PRKN: variants seen among roughly 807,000 people sequenced by gnomAD.
The protein encoded by PRKN is parkin RBR E3 ubiquitin protein ligase, also known as E3 ubiquitin-protein ligase parkin.
In PRKN, 56 loss-of-function variants were observed where a neutral mutation model predicts 59.5. The observed-to-expected ratio is 0.94, with a 90% CI of 0.76 to 1.18. PRKN has a LOEUF of 1.18. PRKN is among the 50% of genes most tolerant of loss of function. The pLI is 0.00. For synonymous variants in PRKN, 250 were observed against 222.1 expected (o/e 1.13, Z -1.12); for missense variants, 657 against 596.4 (o/e 1.10, Z -1.06).
chr6:162,650,177 A>G (rs1778364228), intron 1 of PRKN, among the ~76,000 whole-genome samples: 1 of 152,186 alleles, frequency 6.6e-6, no homozygotes, highest in African/African-American at 2.4e-5. Context: ...AGCAGGTCCA[A>G]CAATCCTTCT....
At chr6:162,503,900 T>C (rs9365454) in intron 1 of PRKN, among the ~76,000 whole-genome samples, 78,636 of 151,854 alleles carry the variant, frequency 0.52, 20,407 homozygotes, top group Middle Eastern at 0.58. Context: ...TTACAAAGTG[T>C]TTCAATGCCG....
intron 7 of PRKN, among the ~76,000 whole-genome samples, chr6:161,574,432 G>A (rs185249628): frequency 6.6e-6 from 1 of 152,204 alleles, no homozygotes; most frequent in Non-Finnish European, 1.5e-5. Context: ...TCACATATGG[G>A]TTCTTCTGCA....
chr6:162,070,010 A>C (rs7767694), intron 4 of PRKN, among the ~76,000 whole-genome samples: 45,822 of 152,102 alleles, frequency 0.3, 7,637 homozygotes, highest in East Asian at 0.62. Flanking sequence ...AGTATAAAAC[A>C]GGTTTGTCTA....
At chr6:162,533,922 G>A (rs552216689) in intron 1 of PRKN, among the ~76,000 whole-genome samples, 128 of 143,028 alleles carry the variant, frequency 8.9e-4, no homozygotes, top group African/African-American at 3.3e-3. Flanking sequence ...AGTGAGCCGA[G>A]ATTGCACCAA....
chr6:161,647,176 C>T lies in PRKN; in HGVS notation c.872-77760G>A, dbSNP rs530488634. Among the ~76,000 whole-genome samples the T allele has an allele frequency of 3.3e-5, 5 of 152,318 alleles. No homozygotes were observed. In the South Asian group the frequency reaches 1.0e-3, roughly 32 times the overall value. Reference sequence around the variant, plus strand: ...GTGTAACCCAGAGTGATTCACCGAACCCTTCCCTGAGACGTACATCCTTAC... The same window carrying T: ...GTGTAACCCAGAGTGATTCACCGAATCCTTCCCTGAGACGTACATCCTTAC... On this transcript the variant is annotated intron_variant, in intron 7 of 11. Coordinates refer to ENST00000366898, the MANE Select transcript of PRKN (RefSeq NM_004562.3).
chr6:162,209,153 C>G (rs576248947), intron 3 of PRKN, among the ~76,000 whole-genome samples: 1 of 152,102 alleles, frequency 6.6e-6, no homozygotes, highest in Non-Finnish European at 1.5e-5. Context: ...TCAGAGTGAA[C>G]AGACAACCTA....
In PRKN at chr6:162,036,164, T is replaced by A. The variant is rs556872163; in HGVS notation, c.618+17927A>T. On this transcript the variant is annotated intron_variant, in intron 5 of 11. Coordinates refer to ENST00000366898, the MANE Select transcript of PRKN (RefSeq NM_004562.3). ...ACAGTGAAACCCCGTCTCTACTAAA[T>A]ATACAAAAAATTAGCCGGGCGTGGT... is the stretch of plus-strand genomic sequence containing the variant. Among the ~76,000 whole-genome samples the A allele has an allele frequency of 1.9e-3, 287 of 150,764 alleles. 2 individuals are homozygous for A. Among genetic ancestry groups the A allele is most frequent in the African/African-American group, 6.8e-3 (280 of 41,126 alleles).
intron 1 of PRKN, among the ~76,000 whole-genome samples, chr6:162,642,599 C>T (rs1016392108): frequency 6.6e-6 from 1 of 151,798 alleles, no homozygotes; most frequent in Non-Finnish European, 1.5e-5. Flanking sequence ...TTTTGGTTAG[C>T]AAACCAATAT....
chr6:161,613,186 A>T (rs532603406), intron 7 of PRKN, among the ~76,000 whole-genome samples: 12 of 152,152 alleles, frequency 7.9e-5, no homozygotes, highest in Non-Finnish European at 1.6e-4. Flanking sequence ...GAGGAAGTCA[A>T]TTTCATCCCT....
intron 7 of PRKN, among the ~76,000 whole-genome samples, chr6:161,608,772 T>G (rs1782381085): frequency 6.6e-6 from 1 of 151,978 alleles, no homozygotes; most frequent in Non-Finnish European, 1.5e-5. Context: ...ATTCCTGACC[T>G]CAAGTGATCC....
intron 6 of PRKN, among the ~76,000 whole-genome samples, chr6:161,792,877 C>T (rs769858455): frequency 4.6e-5 from 7 of 152,060 alleles, no homozygotes; most frequent in Non-Finnish European, 1.0e-4. Flanking sequence ...CACTTTAAGC[C>T]CCTTTTAGTT....
At chr6:162,005,601 A>G (rs1176045931) in intron 5 of PRKN, among the ~76,000 whole-genome samples, 1 of 151,850 alleles carries the variant, frequency 6.6e-6, no homozygotes, top group Non-Finnish European at 1.5e-5. Context: ...TTCTTGCTTG[A>G]GTGTTGACAG....
At chr6:162,372,057 G>A (rs898043170) in intron 2 of PRKN, among the ~76,000 whole-genome samples, 2 of 152,234 alleles carry the variant, frequency 1.3e-5, no homozygotes, top group African/African-American at 4.8e-5. Flanking sequence ...AAGCCCAGGA[G>A]AAAGCTGGAG....
chr6:162,521,070 G>C (rs1401832134), intron 1 of PRKN, among the ~76,000 whole-genome samples: 1 of 152,118 alleles, frequency 6.6e-6, no homozygotes, highest in African/African-American at 2.4e-5. Context: ...ATTTAAGAAA[G>C]GGCCTTAATG....
At chr6:162,031,104 T>C (rs1236304064) in intron 5 of PRKN, among the ~76,000 whole-genome samples, 1 of 152,108 alleles carries the variant, frequency 6.6e-6, no homozygotes, top group Non-Finnish European at 1.5e-5. Context: ...ATTTTGATAA[T>C]GGAAAATAAA....
chr6:161,913,798 A>T (rs996482042), intron 6 of PRKN, among the ~76,000 whole-genome samples: 6 of 152,198 alleles, frequency 3.9e-5, no homozygotes, highest in African/African-American at 1.4e-4. Flanking sequence ...TTGTAGGTGG[A>T]GCGTCTGGGA....
chr6:162,570,598 G>GA (rs1780282564), intron 1 of PRKN, among the ~76,000 whole-genome samples: 1 of 152,184 alleles, frequency 6.6e-6, no homozygotes, highest in Non-Finnish European at 1.5e-5. Context: ...AATGCATAAG[G>GA]AAAACGTGGT....
At chr6:162,527,408 C>A (rs186165093) in intron 1 of PRKN, among the ~76,000 whole-genome samples, 1 of 151,644 alleles carries the variant, frequency 6.6e-6, no homozygotes, top group African/African-American at 2.4e-5. Context: ...ATTTTTTTTT[C>A]CACAAAATAA....
At chr6:162,692,149 G>C (rs995409520) in intron 1 of PRKN, among the ~76,000 whole-genome samples, 1 of 117,492 alleles carries the variant, frequency 8.5e-6, no homozygotes, top group Non-Finnish European at 1.9e-5. Context: ...AAAACTTAAA[G>C]TATAATAAAA....
Sources: gnomAD v4.1 joint callset for allele counts (sites outside exome capture counted in the v4.1 genomes callset) on GRCh38, gnomAD v4.1.1 for gene constraint, MANE v1.5 for transcripts, NCBI Gene and HGNC (gene_info 2026-07-23, HGNC 2026-07-21) for gene names.